The following ANK2 variants were observed in gnomAD, a reference collection of about 807,000 sequenced individuals.
ANK2 encodes ankyrin 2.
In ANK2, 83 loss-of-function variants were observed where a neutral mutation model predicts 360.5. The observed-to-expected ratio is 0.23, with a 90% confidence interval of 0.19 to 0.28. ANK2 has a LOEUF of 0.28. Ranked by LOEUF, ANK2 falls within the 10% of genes least tolerant of loss-of-function variation. ANK2 has a pLI of 1.00. For synonymous variants in ANK2, 1,740 were observed against 1,759.5 expected (o/e 0.99, Z 0.28); for missense variants, 4,201 against 4,795.7 (o/e 0.88, Z 3.66).
At chr4:113,026,778 G>C (rs749251035) in intron 2 of ANK2, among the ~76,000 whole-genome samples, 3 of 152,164 alleles carry the variant, frequency 2.0e-5, no homozygotes, top group Non-Finnish European at 4.4e-5. Context: ...ATTCATAATA[G>C]TCAGCTCTGC....
intron 24 of ANK2, among the ~76,000 whole-genome samples, chr4:113,316,062 T>C (rs2082810473): frequency 6.6e-6 from 1 of 152,128 alleles, no homozygotes. Flanking sequence ...TTCCCAATAA[T>C]CTAATCCCCT....
At chr4:112,916,189 T>A (rs1246138727) in intron 2 of ANK2, among the ~76,000 whole-genome samples, 1 of 152,224 alleles carries the variant, frequency 6.6e-6, no homozygotes. Context: ...GTCACATGAA[T>A]CTGCAGGATT....
At chr4:113,103,361 A>G (rs1465987769) in intron 1 of ANK2, among the ~76,000 whole-genome samples, 2 of 152,182 alleles carry the variant, frequency 1.3e-5, no homozygotes, top group African/African-American at 2.4e-5. Context: ...AGGTGCTTAG[A>G]TGGCCAGAAA....
intron 4 of ANK2, among the ~76,000 whole-genome samples, chr4:113,225,957 A>G: frequency 6.6e-6 from 1 of 152,212 alleles, no homozygotes; most frequent in South Asian, 2.1e-4. Context: ...GAAAAGCATT[A>G]TAGCTGTTTA....
chr4:113,356,521 G>T lies in ANK2; in HGVS notation c.7903G>T (p.Asp2635Tyr). Residue 2635 changes from aspartate to tyrosine, a missense_variant, in exon 38 of 46, where the codon GAT (aspartate) becomes TAT (tyrosine). Physicochemically the swap from Asp to Tyr is radical, Grantham distance 160. This residue lies in a region of ANK2 where 2,642 missense variants were observed against 2,714.5 expected (regional missense o/e 0.97). Coordinates refer to ENST00000357077, the MANE Select transcript of ANK2 (RefSeq NM_001148.6). ...AGATGCTGACTGTTCAGTAGATGTG[G>T]ATGAACCAAAACATACAGGCAGTGG... Reference protein sequence around the residue: ...DPDADCSVDVDEPKHTGSGED... With the variant: ...DPDADCSVDVYEPKHTGSGED... The T allele has an allele frequency of 6.2e-7, 1 of 1,614,120 alleles. No homozygotes were observed. The highest frequency in any genetic ancestry group is 8.5e-7 in the Non-Finnish European group (1 of 1,179,998).
intron 1 of ANK2, among the ~76,000 whole-genome samples, chr4:113,141,904 G>T (rs2096647913): frequency 6.6e-6 from 1 of 152,146 alleles, no homozygotes; most frequent in Non-Finnish European, 1.5e-5. Flanking sequence ...CAATACAAAT[G>T]AAATAATAAC....
intron 1 of ANK2, among the ~76,000 whole-genome samples, chr4:113,136,349 T>C (rs1349639557): frequency 2.0e-5 from 3 of 152,018 alleles, no homozygotes; most frequent in Admixed American, 6.5e-5. Context: ...GAATAGTTAT[T>C]AATAAAAGTC....
At chr4:112,844,604 A>C (rs1413051672) in intron 1 of ANK2, among the ~76,000 whole-genome samples, 1 of 152,226 alleles carries the variant, frequency 6.6e-6, no homozygotes, top group Non-Finnish European at 1.5e-5. Flanking sequence ...AACTCACAAA[A>C]ATATATGTAG....
At position 113,097,515 on chromosome 4, in the gene ANK2, C is replaced by T. The variant is rs148437122; in HGVS notation, c.84+47703C>T. ...TTTCTTATCAAAGATTACTCTATTT[C>T]CTAAACCAAAGGGAAAATAAATTAG... is the stretch of plus-strand genomic sequence containing the variant. On this transcript the variant is annotated intron_variant, in intron 1 of 45. Coordinates refer to ENST00000357077, the MANE Select transcript of ANK2 (RefSeq NM_001148.6). Among the ~76,000 whole-genome samples, 196 of 152,078 alleles carry T rather than the reference C, an allele frequency of 1.3e-3. 1 individual carries two copies. The highest frequency in any genetic ancestry group is 4.5e-3 in the African/African-American group (186 of 41,474).
At chr4:112,816,580 G>A (rs189297146), upstream of ANK2, among the ~76,000 whole-genome samples, 42 of 151,864 alleles carry the variant, frequency 2.8e-4, 1 homozygote, top group African/African-American at 1.0e-3. Flanking sequence ...TAAGAAAATG[G>A]CACAATTCAC....
intron 23 of ANK2, among the ~76,000 whole-genome samples, chr4:113,309,633 T>C: frequency 6.6e-6 from 1 of 152,042 alleles, no homozygotes; most frequent in East Asian, 1.9e-4. Flanking sequence ...ATTCTCCCAC[T>C]TCAGCCTCCC....
At chr4:112,729,197 AAAACAAAC>A in the ANK2 span, among the ~76,000 whole-genome samples, 2 of 151,522 alleles carry the variant, frequency 1.3e-5, no homozygotes, top group Non-Finnish European at 2.9e-5. Flanking sequence ...GATCTCTCTC[AAAACAAAC>A]AAACAAACAA....
rs60510554 is a variant in ANK2, at chr4:112,850,504, C to CTT, written c.-40+32269_-40+32270dup. Among the ~76,000 whole-genome samples the CTT allele has an allele frequency of 2.1e-3, 12 of 5,820 alleles. 4 individuals are homozygous for CTT. The highest frequency in any genetic ancestry group is 5.0e-3 in the African/African-American group (7 of 1,406). 3.8% of individuals were successfully genotyped at this position (5,820 alleles called of 152,430 possible). ...TTTTTTTAACATTTCCTGTGCTAGT[C>CTT]TTTTTTTTTTTTTTTTTTTTTTTTT... On this transcript the variant is annotated intron_variant, in intron 1 of 30. Transcript: ENST00000503271.
chr4:113,191,317 C>T (rs1255866450), intron 2 of ANK2, among the ~76,000 whole-genome samples: 4 of 151,978 alleles, frequency 2.6e-5, no homozygotes, highest in Admixed American at 2.0e-4. Flanking sequence ...TGCATTCCAA[C>T]CTGGACAACA....
chr4:112,762,202 A>G, the ANK2 span, among the ~76,000 whole-genome samples: 2 of 152,244 alleles, frequency 1.3e-5, no homozygotes, highest in African/African-American at 4.8e-5. Flanking sequence ...TTGAATTTCA[A>G]TTGATTACTC....
intron 1 of ANK2, chr4:113,150,931 T>G (rs1349367533): frequency 6.0e-6 from 3 of 501,782 alleles, no homozygotes; most frequent in Non-Finnish European, 9.5e-6. Context: ...TCAATTAGGT[T>G]GTAGTCTGCA....
chr4:112,893,129 C>T (rs1020583091), intron 1 of ANK2, among the ~76,000 whole-genome samples: 31 of 152,062 alleles, frequency 2.0e-4, no homozygotes, highest in African/African-American at 6.5e-4. Context: ...AGATGCAAAA[C>T]GAAGATAACA....
chr4:113,261,966 T>C (rs993919572), intron 13 of ANK2, among the ~76,000 whole-genome samples: 76 of 152,200 alleles, frequency 5.0e-4, no homozygotes, highest in African/African-American at 1.7e-3. Flanking sequence ...GGCAGGAGAA[T>C]CACTTGAACC....
At chr4:112,771,522 G>A in the ANK2 span, among the ~76,000 whole-genome samples, 2 of 152,102 alleles carry the variant, frequency 1.3e-5, no homozygotes, top group Non-Finnish European at 2.9e-5. Context: ...TTGATGAGGT[G>A]TGGAGGTCAT....
Sources: allele counts gnomAD v4.1 joint callset (sites outside exome capture counted in the v4.1 genomes callset), GRCh38; gene constraint gnomAD v4.1.1; regional missense constraint gnomAD v4.1.1; transcripts MANE v1.5; gene names NCBI Gene and HGNC (gene_info 2026-07-23, HGNC 2026-07-21).